The following DYNC2I1 variants were observed in gnomAD, a reference collection of about 807,000 sequenced individuals.
DYNC2I1 encodes the protein cytoplasmic dynein 2 intermediate chain 1.
A neutral mutation model predicts 133.4 loss-of-function variants in DYNC2I1; 89 were observed. That is an observed-to-expected ratio of 0.67 (90% CI 0.56 to 0.80). The LOEUF (loss-of-function observed/expected upper bound fraction) is 0.80. Among genes scored for constraint, DYNC2I1 ranks in the 30% least tolerant of loss-of-function variants. The pLI, the probability that DYNC2I1 is intolerant of heterozygous loss-of-function variation, is 0.00. For synonymous variants in DYNC2I1, 504 were observed against 484.3 expected, an observed-to-expected ratio of 1.04 and a Z score of -0.54; for missense variants, 1,291 against 1,314.5, an observed-to-expected ratio of 0.98 and a Z score of 0.28.
At chr7:158,866,927 G>A (rs141040879) in intron 1 of DYNC2I1, among the ~76,000 whole-genome samples, 118 of 151,042 alleles carry the variant, frequency 7.8e-4, no homozygotes, top group South Asian at 5.0e-3. Context: ...AGGTATTACA[G>A]CTTTTTTTGT....
Position 158,922,546 on chromosome 7 carries a change from C to T in DYNC2I1, c.2091C>T (p.Ser697=), listed in dbSNP as rs1188235969. ...SGPQKVLICE[S]QVTCCCLSPL... ...CACAGAAAGTTCTGATATGTGAGTC[C>T]CAGGTACAGCTCAGGATGAGAGTCG... Residue 697 remains serine (S), a synonymous_variant, in exon 16 of 25, where the codon TCC becomes TCT. Transcript: ENST00000407559. The T allele has an allele frequency of 4.3e-6, 7 of 1,613,142 alleles. No homozygotes were observed. In the Admixed American group the frequency reaches 1.2e-4, roughly 27 times the overall value.
intron 14 of DYNC2I1, among the ~76,000 whole-genome samples, chr7:158,914,964 G>A (rs1180311329): frequency 4.6e-5 from 7 of 152,222 alleles, no homozygotes; most frequent in East Asian, 1.9e-4. Context: ...TTCACATTTC[G>A]CCAGCTGTCT....
upstream of DYNC2I1, among the ~76,000 whole-genome samples, chr7:158,855,510 C>G (rs1841170139): frequency 6.6e-6 from 1 of 152,176 alleles, no homozygotes; most frequent in African/African-American, 2.4e-5. Context: ...AATCTTGTGG[C>G]TAACATCAGT....
At chr7:158,914,152 C>T in intron 13 of DYNC2I1, 81 bp from the exon 14 acceptor site, 1 of 1,113,714 alleles carries the variant, frequency 9.0e-7, no homozygotes, top group South Asian at 1.5e-5. Flanking sequence ...ATTTGTTAGG[C>T]CTGTTTGAAC....
rs778071471 is a variant in DYNC2I1 at position 158,879,927 on chromosome 7, C to A, written c.817C>A (p.Gln273Lys). ...TTTTCATTTTGATGATGAGAGGCACCAAAGCAACGTGGATAGAAAAGAGAA... is the reference window on the plus strand; with the variant it reads ...TTTTCATTTTGATGATGAGAGGCACAAAAGCAACGTGGATAGAAAAGAGAA... The part of the protein sequence containing the change: ...EGFHFDDERH[Q>K]SNVDRKEKSA... The change falls in exon 5 of 25, where the codon CAA becomes AAA. Residue 273 changes from glutamine (Q) to lysine (K), a missense_variant. Transcript: ENST00000407559. 6 of 1,611,270 alleles carry A rather than the reference C, an allele frequency of 3.7e-6. No individual in the cohort carries two copies. The highest frequency in any genetic ancestry group is 5.1e-6 in the Non-Finnish European group (6 of 1,179,274).
chr7:158,916,362 ACGT>A (rs1848291157), intron 14 of DYNC2I1, among the ~76,000 whole-genome samples: 1 of 93,512 alleles, frequency 1.1e-5, no homozygotes, highest in African/African-American at 3.8e-5. Context: ...TGATTGTGAA[ACGT>A]CGACACGCTG....
chr7:158,848,476 C>T, the DYNC2I1 span, among the ~76,000 whole-genome samples: 1 of 152,026 alleles, frequency 6.6e-6, no homozygotes, highest in Non-Finnish European at 1.5e-5. Context: ...AACATTAGGG[C>T]AATTACCAAA....
intron 1 of DYNC2I1, among the ~76,000 whole-genome samples, chr7:158,867,037 GAAAC>G (rs1485876402): frequency 1.6e-5 from 1 of 64,202 alleles, no homozygotes; most frequent in Non-Finnish European, 3.2e-5. Context: ...TTTTTTTTTT[GAAAC>G]AAACCCCCAA....
chr7:158,882,209 G>C (rs1380785116), intron 5 of DYNC2I1, among the ~76,000 whole-genome samples: 1 of 152,088 alleles, frequency 6.6e-6, no homozygotes, highest in Non-Finnish European at 1.5e-5. Flanking sequence ...ATACAGCTGT[G>C]AACAAAACAA....
At chr7:158,886,704 A>G (rs1269343445) in intron 6 of DYNC2I1, among the ~76,000 whole-genome samples, 1 of 151,990 alleles carries the variant, frequency 6.6e-6, no homozygotes, top group Non-Finnish European at 1.5e-5. Flanking sequence ...CCTGGGCTCA[A>G]GCAAACCTCC....
chr7:158,902,620 G>T (rs751168290), intron 10 of DYNC2I1, 25 bp downstream of exon 10: 1 of 1,605,434 alleles, frequency 6.2e-7, no homozygotes, highest in Non-Finnish European at 8.5e-7. Context: ...GCTACTAATG[G>T]TGTCCGTGCT....
intron 23 of DYNC2I1, among the ~76,000 whole-genome samples, chr7:158,938,416 A>T (rs916293788): frequency 6.6e-6 from 1 of 152,192 alleles, no homozygotes; most frequent in Non-Finnish European, 1.5e-5. Flanking sequence ...TTTCCCAGAT[A>T]TACAAAAGCT....
intron 4 of DYNC2I1, among the ~76,000 whole-genome samples, chr7:158,955,228 C>A (rs754413508): frequency 2.0e-5 from 3 of 152,206 alleles, no homozygotes; most frequent in Non-Finnish European, 4.4e-5. Context: ...GCCGTCTCTG[C>A]CCAGGCTGGT....
In DYNC2I1 at chr7:158,906,161, A is replaced by G. The variant is rs181015481; in HGVS notation, c.1460+70A>G. 3 of 1,391,214 alleles carry G rather than the reference A, an allele frequency of 2.2e-6. No individual in the cohort carries two copies. In the African/African-American group the frequency reaches 4.4e-5, roughly 20 times the overall value. The allele number at this position is 1,391,214 out of a possible 1,614,324, so 86.2% of individuals were successfully genotyped here. A position where few individuals can be genotyped will look rare whatever the true frequency, so the allele number is the denominator to read the frequency against. On this transcript the variant is annotated intron_variant, in intron 11 of 24. Coordinates refer to ENST00000407559, the MANE Select transcript of DYNC2I1 (RefSeq NM_018051.5). ...TTAACTTTTCTTTCACATACTTTTA[A>G]AAAATCGAGTTTTAAAATGCATTTT... is the stretch of plus-strand genomic sequence containing the variant.
intron 1 of DYNC2I1, among the ~76,000 whole-genome samples, chr7:158,867,246 T>C (rs1362633584): frequency 6.6e-6 from 1 of 152,172 alleles, no homozygotes; most frequent in Non-Finnish European, 1.5e-5. Context: ...TGGAGTGTGT[T>C]ACTATGGCGT....
chr7:158,922,096 G>C (rs980154036), intron 15 of DYNC2I1, among the ~76,000 whole-genome samples: 10 of 152,198 alleles, frequency 6.6e-5, no homozygotes, highest in African/African-American at 2.4e-4. Flanking sequence ...CCCGGCTTCT[G>C]GTGGGCAGCT....
At chr7:158,861,036 T>C (rs1841830085) in intron 1 of DYNC2I1, among the ~76,000 whole-genome samples, 1 of 152,228 alleles carries the variant, frequency 6.6e-6, no homozygotes, top group Non-Finnish European at 1.5e-5. Flanking sequence ...CTCCTCGCGG[T>C]GTAAGGCCAC....
At chr7:158,871,886 A>C (rs1842919980) in intron 3 of DYNC2I1, among the ~76,000 whole-genome samples, 1 of 152,082 alleles carries the variant, frequency 6.6e-6, no homozygotes, top group Non-Finnish European at 1.5e-5. Context: ...CCTCTTTTGA[A>C]ATGTTCATTT....
intron 3 of DYNC2I1, among the ~76,000 whole-genome samples, chr7:158,872,359 G>A (rs372709470): frequency 5.9e-5 from 9 of 152,278 alleles, no homozygotes; most frequent in Middle Eastern, 3.4e-3. Flanking sequence ...CCAGCTGGGC[G>A]CGGTGGCTCA....
Sources: allele counts gnomAD v4.1 joint callset (sites outside exome capture counted in the v4.1 genomes callset), GRCh38; gene constraint gnomAD v4.1.1; transcripts MANE v1.5; gene names NCBI Gene and HGNC (gene_info 2026-07-23, HGNC 2026-07-21).